Variants in PGLS observed in about 807,000 individuals in gnomAD.
PGLS encodes epididymis secretory protein Li 304.
Under a neutral mutation model 23.2 loss-of-function variants are expected in PGLS, and 21 were observed. The observed-to-expected ratio is 0.91, with a 90% CI of 0.64 to 1.31. The LOEUF is 1.31. Ranked by LOEUF, PGLS falls within the 50% of genes most tolerant of loss-of-function variation. The probability of loss-of-function intolerance (pLI) is 0.00; values close to 1 mark genes in which losing one functional copy is unlikely to be tolerated. For missense variants in PGLS, 410 were observed against 354.0 expected (o/e 1.16, Z -1.27); for synonymous variants, 179 against 165.4 (o/e 1.08, Z -0.63).
intron 1 of PGLS, 192 bp from the exon 2 acceptor site, chr19:17,515,981 C>T: frequency 2.0e-6 from 1 of 501,044 alleles, no homozygotes; most frequent in Non-Finnish European, 3.7e-6. Context: ...TCCTGGCTTC[C>T]AGCATTCCAG....
rs11450031 is a variant in PGLS at position 17,520,554 on chromosome 19, C to CAA, written c.640-365_640-364dup. On this transcript the variant is annotated intron_variant, in intron 4 of 4. Coordinates refer to ENST00000252603, the MANE Select transcript of PGLS (RefSeq NM_012088.3). Reference sequence around the variant, plus strand: ...GGGGGATAAGATCGAGAGTTCATCTCAAAAAAAAAAAAAAAAAAAAAAAAA... The same window carrying CAA: ...GGGGGATAAGATCGAGAGTTCATCTCAAAAAAAAAAAAAAAAAAAAAAAAAAA... The CAA allele has an allele frequency of 8.1e-3, 372 of 46,138 alleles. 14 individuals carry two copies. The highest frequency in any genetic ancestry group is 0.031 in the Middle Eastern group (2 of 64). The allele number at this position is 46,138 out of a possible 1,614,324, so 2.9% of individuals were successfully genotyped here.
rs753373010 is a variant in PGLS, at chr19:17,517,807, T to C, written c.596T>C (p.Val199Ala). Reference sequence around the variant, plus strand: ...CCTGTCCTGAATGCAGCACGAACTGTCATCTTTGTGGCAACTGGAGAAGGC... The same window carrying C: ...CCTGTCCTGAATGCAGCACGAACTGCCATCTTTGTGGCAACTGGAGAAGGC... The part of the protein sequence containing the change: ...TLPVLNAART[V>A]IFVATGEGKA... The change falls in exon 4 of 5, where the codon GTC becomes GCC. Residue 199 changes from valine to alanine, a missense_variant. Val to Ala is a moderately conservative substitution (Grantham distance 64, BLOSUM62 0). Coordinates refer to ENST00000252603, the MANE Select transcript of PGLS (RefSeq NM_012088.3). The C allele has an allele frequency of 1.2e-6, 2 of 1,614,064 alleles. No homozygotes were observed. The highest frequency in any genetic ancestry group is 2.2e-5 in the South Asian group (2 of 91,076).
At position 17,516,290 on chromosome 19, in the gene PGLS, G is replaced by C; in HGVS notation, c.396+10G>C. 1 of 1,611,942 alleles carries C rather than the reference G, an allele frequency of 6.2e-7. No individual in the cohort carries two copies. The highest frequency in any genetic ancestry group is 2.2e-5 in the East Asian group (1 of 44,782). ...CAAGAAGCTGAGACAGGTGAGCCCC[G>C]AGGAGCGGCCGCAAGGGAGTCACAT... On this transcript the variant is annotated intron_variant, in intron 2 of 4. Transcript: ENST00000252603.
chr19:17,519,646 C>G (rs1023632744), intron 4 of PGLS, among the ~76,000 whole-genome samples: 10 of 151,958 alleles, frequency 6.6e-5, no homozygotes, highest in Middle Eastern at 3.2e-3. Context: ...GTGATCCGCC[C>G]CCCTCGGCCT....
In PGLS at chr19:17,521,135, C is replaced by G; in HGVS notation, c.*54C>G. ...CAGGCACGCGGCCCATGGGGCTGGG[C>G]CCCTGCTGGCCGCCACTCTCCGGGC... On this transcript the variant is annotated 3_prime_UTR_variant, in exon 5 of 5. Transcript: ENST00000252603. 7 of 1,462,142 alleles carry G rather than the reference C, an allele frequency of 4.8e-6. No individual in the cohort carries two copies. The highest frequency in any genetic ancestry group is 5.5e-6 in the Non-Finnish European group (6 of 1,097,850). 90.6% of individuals were successfully genotyped at this position (1,462,142 alleles called of 1,614,324 possible). A position where few individuals can be genotyped will look rare whatever the true frequency, so the allele number is the denominator to read the frequency against.
chr19:17,516,240 T>C lies in PGLS; in HGVS notation c.356T>C (p.Val119Ala), dbSNP rs777699776. 5 of 1,613,982 alleles carry C rather than the reference T, an allele frequency of 3.1e-6. No individual in the cohort carries two copies. Among genetic ancestry groups the C allele is most frequent in the Non-Finnish European group, 4.2e-6 (5 of 1,179,918 alleles). ...ATCACCATTAACCCCGAGCTGCCTGTGGAGGAGGCGGCTGAGGACTACGCC... is the reference window on the plus strand; with the variant it reads ...ATCACCATTAACCCCGAGCTGCCTGCGGAGGAGGCGGCTGAGGACTACGCC... ...QVITINPELP[V>A]EEAAEDYAKK... The change falls in exon 2 of 5, where the codon GTG becomes GCG. Residue 119 changes from valine to alanine, a missense_variant. Val to Ala is a moderately conservative substitution (Grantham distance 64). Coordinates refer to ENST00000252603, the MANE Select transcript of PGLS (RefSeq NM_012088.3).
Position 17,516,232 on chromosome 19 carries a change from G to A in PGLS, c.348G>A (p.Glu116=), listed in dbSNP as rs2075531688. Residue 116 remains glutamate (E), a synonymous_variant, in exon 2 of 5, where the codon GAG becomes GAA. Coordinates refer to ENST00000252603, the MANE Select transcript of PGLS (RefSeq NM_012088.3). ...PESQVITINP[E]LPVEEAAEDY... Reference sequence around the variant, plus strand: ...GCCAGGTGATCACCATTAACCCCGAGCTGCCTGTGGAGGAGGCGGCTGAGG... The same window carrying A: ...GCCAGGTGATCACCATTAACCCCGAACTGCCTGTGGAGGAGGCGGCTGAGG... 1 of 1,614,120 alleles carries A rather than the reference G, an allele frequency of 6.2e-7. No individual in the cohort carries two copies. The highest frequency in any genetic ancestry group is 8.5e-7 in the Non-Finnish European group (1 of 1,179,984).
intron 3 of PGLS, 81 bp downstream of exon 3, chr19:17,517,470 G>A: frequency 8.7e-7 from 1 of 1,155,426 alleles, no homozygotes; most frequent in Non-Finnish European, 1.3e-6. Context: ...AGAGCCACCT[G>A]CCGGGTGGGG....
At chr19:17,512,234 C>A in intron 1 of PGLS, 1 of 477,720 alleles carries the variant, frequency 2.1e-6, no homozygotes, top group Non-Finnish European at 3.7e-6. Flanking sequence ...ATGGTCACGC[C>A]CACTGCCTGC....
Position 17,521,086 on chromosome 19 carries a change from C to T in PGLS, c.*5C>T. On this transcript the variant is annotated 3_prime_UTR_variant, in exon 5 of 5. Coordinates refer to ENST00000252603, the MANE Select transcript of PGLS (RefSeq NM_012088.3). Reference sequence around the variant, plus strand: ...GAGAAGCATTCCACTTTGTAGCTGGCCAGAGGGACGCCGCAGCTGGGACCA... The same window carrying T: ...GAGAAGCATTCCACTTTGTAGCTGGTCAGAGGGACGCCGCAGCTGGGACCA... The T allele has an allele frequency of 6.3e-7, 1 of 1,592,088 alleles. No homozygotes were observed. Among genetic ancestry groups the T allele is most frequent in the Non-Finnish European group, 8.6e-7 (1 of 1,168,224 alleles).
Position 17,518,905 on chromosome 19 carries a change from A to C in PGLS, c.639+1055A>C. Among the ~76,000 whole-genome samples, 2 of 152,188 alleles carry C rather than the reference A, an allele frequency of 1.3e-5. 1 individual carries two copies. The highest frequency in any genetic ancestry group is 1.3e-4 in the Admixed American group (2 of 15,260). Reference sequence around the variant, plus strand: ...GCCATGCTTATCATCCCATCTACTCAGGAGGCTAAGGCAGGAGGATTACTC... The same window carrying C: ...GCCATGCTTATCATCCCATCTACTCCGGAGGCTAAGGCAGGAGGATTACTC... On this transcript the variant is annotated intron_variant, in intron 4 of 4. Coordinates refer to ENST00000252603, the MANE Select transcript of PGLS (RefSeq NM_012088.3).
rs1372822038 is a variant in PGLS, at chr19:17,511,724, C to G, written c.52C>G (p.Leu18Val). The change falls in exon 1 of 5, where the codon CTG becomes GTG. Residue 18 changes from leucine (L) to valine (V), a missense_variant. Physicochemically the swap from Leu to Val is conservative, Grantham distance 32. Coordinates refer to ENST00000252603, the MANE Select transcript of PGLS (RefSeq NM_012088.3). ...LISVFSSSQE[L>V]GAALAQLVAQ... Reference sequence around the variant, plus strand: ...CTCGGTGTTCTCGAGTTCCCAGGAGCTGGGTGCGGCGCTAGCGCAGCTGGT... The same window carrying G: ...CTCGGTGTTCTCGAGTTCCCAGGAGGTGGGTGCGGCGCTAGCGCAGCTGGT... The G allele has an allele frequency of 6.6e-7, 1 of 1,509,204 alleles. No homozygotes were observed. Among genetic ancestry groups the G allele is most frequent in the Admixed American group, 2.1e-5 (1 of 47,438 alleles). The allele number at this position is 1,509,204 out of a possible 1,614,324, so 93.5% of individuals were successfully genotyped here.
At chr19:17,517,464 C>A in intron 3 of PGLS, 75 bp downstream of exon 3, 1 of 1,220,434 alleles carries the variant, frequency 8.2e-7, no homozygotes, top group Non-Finnish European at 1.2e-6. Context: ...AGAGGGAGAG[C>A]CACCTGCCGG....
intron 4 of PGLS, among the ~76,000 whole-genome samples, 182 bp from the exon 5 acceptor site, chr19:17,520,762 A>G (rs529080540): frequency 3.7e-4 from 57 of 152,148 alleles, no homozygotes; most frequent in Non-Finnish European, 7.9e-4. Flanking sequence ...AAAAATAGTT[A>G]CAGTGGATAG....
intron 1 of PGLS, chr19:17,515,729 C>T (rs2075529358): frequency 6.1e-6 from 1 of 164,234 alleles, no homozygotes; most frequent in Middle Eastern, 3.2e-3. Flanking sequence ...GGCCGTGGGA[C>T]CCTGGAGGCT....
At chr19:17,515,117 T>G (rs1041662214) in intron 1 of PGLS, among the ~76,000 whole-genome samples, 2 of 152,072 alleles carry the variant, frequency 1.3e-5, no homozygotes, top group African/African-American at 4.8e-5. Context: ...GCCTCGAGTT[T>G]ATGGTGTTTT....
At position 17,516,217 on chromosome 19, in the gene PGLS, C is replaced by A. The variant is rs575677966; in HGVS notation, c.333C>A (p.Ile111=). 3.7e-6 allele frequency: 6 copies of A among 1,614,096 alleles called. No homozygotes were observed. The highest frequency in any genetic ancestry group is 2.2e-5 in the South Asian group (2 of 91,058). ...SRLPIPESQV[I]TINPELPVEE... ...TGCCGATCCCAGAAAGCCAGGTGAT[C>A]ACCATTAACCCCGAGCTGCCTGTGG... Residue 111 remains isoleucine (I), a synonymous_variant, in exon 2 of 5, where the codon ATC becomes ATA. Coordinates refer to ENST00000252603, the MANE Select transcript of PGLS (RefSeq NM_012088.3).
intron 4 of PGLS, among the ~76,000 whole-genome samples, chr19:17,519,640 T>C (rs1186991088): frequency 6.6e-5 from 10 of 152,106 alleles, no homozygotes; most frequent in African/African-American, 2.4e-4. Flanking sequence ...CCTCAAGTGA[T>C]CCGCCCCCCT....
Position 17,521,054 on chromosome 19 carries a change from G to A in PGLS, c.750G>A (p.Val250=), listed in dbSNP as rs1263193022. ...LDEAAARLLT[V]PFEKHSTL ...AGGCGGCCGCCCGCCTCCTGACCGT[G>A]CCCTTCGAGAAGCATTCCACTTTGT... Residue 250 remains valine (V), a synonymous_variant, in exon 5 of 5, where the codon GTG becomes GTA. Transcript: ENST00000252603. The A allele has an allele frequency of 3.1e-6, 5 of 1,602,570 alleles. No individual in the cohort carries two copies. The highest frequency in any genetic ancestry group is 4.3e-6 in the Non-Finnish European group (5 of 1,173,898).
Sources: allele counts gnomAD v4.1 joint callset (sites outside exome capture counted in the v4.1 genomes callset), GRCh38; gene constraint gnomAD v4.1.1; transcripts MANE v1.5; gene names NCBI Gene and HGNC (gene_info 2026-07-23, HGNC 2026-07-21).